PTPRG: variants seen among roughly 807,000 people sequenced by gnomAD.
PTPRG encodes the protein protein tyrosine phosphatase receptor type G, also known as receptor-type tyrosine-protein phosphatase gamma.
PTPRG carries 102 observed loss-of-function variants against 165.3 expected under a neutral mutation model. The observed-to-expected ratio is 0.62, with a 90% confidence interval of 0.53 to 0.73. The LOEUF (loss-of-function observed/expected upper bound fraction) is 0.73, where lower values mean the gene tolerates loss of function less well. Among genes scored for constraint, PTPRG ranks in the 30% least tolerant of loss-of-function variants. The pLI, the probability that PTPRG is intolerant of heterozygous loss-of-function variation, is 0.00. For missense variants in PTPRG, 1,866 were observed against 1,861.4 expected (o/e 1.00, Z -0.05); for synonymous variants, 675 against 669.5 (o/e 1.01, Z -0.13).
rs566648471 is a variant in PTPRG at position 62,133,914 on chromosome 3, C to T, written c.682+1246C>T. ...AGGAGAATCACTTGAATCCGGGAGG[C>T]GGAGGTTGCAGTGAGCCAAAATTGC... On this transcript the variant is annotated intron_variant, in intron 6 of 29. Coordinates refer to ENST00000474889, the MANE Select transcript of PTPRG (RefSeq NM_002841.4). Among the ~76,000 whole-genome samples the T allele has an allele frequency of 5.9e-5, 9 of 151,986 alleles. 1 individual carries two copies. The South Asian group carries it at 6.3e-4, about 11-fold the overall frequency.
intron 2 of PTPRG, among the ~76,000 whole-genome samples, chr3:61,935,403 A>G (rs2039460589): frequency 6.6e-6 from 1 of 152,104 alleles, no homozygotes; most frequent in African/African-American, 2.4e-5. Context: ...GAACATGGCA[A>G]AATTACGCAC....
At position 61,669,689 on chromosome 3, in the gene PTPRG, G is replaced by T. The variant is rs74401914; in HGVS notation, c.86-79189G>T. 5.3e-4 allele frequency among the ~76,000 whole-genome samples: 80 copies of T among 152,250 alleles called. 1 individual carries two copies. In the East Asian group the frequency reaches 0.015, roughly 29 times the overall value. On this transcript the variant is annotated intron_variant, in intron 1 of 29. Coordinates refer to ENST00000474889, the MANE Select transcript of PTPRG (RefSeq NM_002841.4). ...CTATGCTGCACAGGTTTTTCTTAACGTTCTGTAGGATACACATTACTTTTT... is the reference window on the plus strand; with the variant it reads ...CTATGCTGCACAGGTTTTTCTTAACTTTCTGTAGGATACACATTACTTTTT...
At chr3:61,945,560 C>CAAAAAAAAAAAAAA (rs71123242) in intron 2 of PTPRG, among the ~76,000 whole-genome samples, 11 of 55,462 alleles carry the variant, frequency 2.0e-4, no homozygotes, top group South Asian at 8.6e-4. Flanking sequence ...ACTCCGTCAC[C>CAAAAAAAAAAAAAA]AAAAAAAAAA....
chr3:62,006,648 G>A (rs1425638382), intron 4 of PTPRG, among the ~76,000 whole-genome samples: 1 of 152,148 alleles, frequency 6.6e-6, no homozygotes, highest in East Asian at 1.9e-4. Context: ...TACTAGGATT[G>A]GTAGAGTACA....
intron 1 of PTPRG, among the ~76,000 whole-genome samples, chr3:61,621,051 A>ATATATATATATATATATATGTGTGTGTG: frequency 5.4e-4 from 64 of 117,968 alleles, no homozygotes; most frequent in Non-Finnish European, 8.1e-4. Context: ...ATATATATAT[A>ATATATATATATATATATATGTGTGTGTG]TGTGTGTGTG....
intron 2 of PTPRG, among the ~76,000 whole-genome samples, chr3:61,878,935 A>G (rs2037814564): frequency 6.6e-6 from 1 of 152,234 alleles, no homozygotes. Context: ...CTTATTTTAT[A>G]AGATCACTAA....
intron 2 of PTPRG, among the ~76,000 whole-genome samples, chr3:61,981,249 C>T (rs896690956): frequency 2.0e-5 from 3 of 152,162 alleles, no homozygotes; most frequent in South Asian, 4.1e-4. Flanking sequence ...CTTTCCTCCA[C>T]CTAGTCGCTT....
rs1368782741 is a variant in PTPRG, at chr3:62,273,634, C to T, written c.3319-64C>T. On this transcript the variant is annotated intron_variant, in intron 22 of 29. Coordinates refer to ENST00000474889, the MANE Select transcript of PTPRG (RefSeq NM_002841.4). This position sits in a 1 kb window ranked among gnomAD's most constrained non-coding sequence, Gnocchi z 4.1. Reference sequence around the variant, plus strand: ...AGCAGCAGAATTAAACTAAGGTACACTTCATGAATGAGTGGCTAACCCTTA... The same window carrying T: ...AGCAGCAGAATTAAACTAAGGTACATTTCATGAATGAGTGGCTAACCCTTA... The T allele has an allele frequency of 2.1e-5, 32 of 1,530,306 alleles. No individual in the cohort carries two copies. The highest frequency in any genetic ancestry group is 2.6e-5 in the Non-Finnish European group (29 of 1,108,604). 94.8% of individuals were successfully genotyped at this position (1,530,306 alleles called of 1,614,324 possible). A position where few individuals can be genotyped will look rare whatever the true frequency, so the allele number is the denominator to read the frequency against.
At chr3:61,933,209 G>C (rs982443083) in intron 2 of PTPRG, among the ~76,000 whole-genome samples, 13 of 152,140 alleles carry the variant, frequency 8.5e-5, no homozygotes, top group Admixed American at 7.9e-4. Flanking sequence ...TTCAACTTCA[G>C]GTTAAAAAGT....
At chr3:61,810,689 G>A (rs187121804) in intron 2 of PTPRG, among the ~76,000 whole-genome samples, 42 of 152,264 alleles carry the variant, frequency 2.8e-4, no homozygotes, top group African/African-American at 9.9e-4. Flanking sequence ...AGCTCTGTCT[G>A]TGTAATGCAA....
At chr3:62,108,966 ATTGCAG>A (rs200815430) in intron 5 of PTPRG, among the ~76,000 whole-genome samples, 109,473 of 151,504 alleles carry the variant, frequency 0.72, 39,840 homozygotes, top group Middle Eastern at 0.8. Flanking sequence ...AGATTGCAGA[ATTGCAG>A]AATTTCTCCA....
chr3:62,167,850 C>G, intron 7 of PTPRG, 121 bp from the exon 8 acceptor site: 1 of 1,012,374 alleles, frequency 9.9e-7, no homozygotes, highest in African/African-American at 1.6e-5. Context: ...GCATTGGGCA[C>G]TTCCTACCGT....
At chr3:61,871,166 TTATGTTATGTTATGTTATGTTA>T (rs1395668727) in intron 2 of PTPRG, among the ~76,000 whole-genome samples, 1 of 46,930 alleles carries the variant, frequency 2.1e-5, no homozygotes, top group Non-Finnish European at 5.1e-5. Context: ...TTGTGTTGTG[TTATGTTATGTTATGTTATGTTA>T]TGTTATGTTA....
intron 5 of PTPRG, among the ~76,000 whole-genome samples, chr3:62,097,208 T>C (rs1405689943): frequency 1.3e-5 from 2 of 152,214 alleles, no homozygotes; most frequent in Non-Finnish European, 2.9e-5. Flanking sequence ...TGGTATAAGA[T>C]AGGCTTGGTA....
At chr3:61,635,868 T>C (rs1209343185) in intron 1 of PTPRG, among the ~76,000 whole-genome samples, 2 of 152,174 alleles carry the variant, frequency 1.3e-5, no homozygotes, top group Non-Finnish European at 2.9e-5. Flanking sequence ...ATCTCAGAGA[T>C]GGTTCCTTAG....
chr3:61,751,672 GA>G (rs2033434902), intron 2 of PTPRG, among the ~76,000 whole-genome samples: 1 of 152,170 alleles, frequency 6.6e-6, no homozygotes, highest in Admixed American at 6.5e-5. Context: ...TTGTTACAGG[GA>G]TTCAGTGAGA....
chr3:61,830,572 T>G (rs11711162), intron 2 of PTPRG, among the ~76,000 whole-genome samples: 6,506 of 54,522 alleles, frequency 0.12, 115 homozygotes, highest in African/African-American at 0.26. Flanking sequence ...TTTTGTTTTT[T>G]TTTTTTTTTT....
chr3:61,871,650 T>G (rs2037587929), intron 2 of PTPRG, among the ~76,000 whole-genome samples: 1 of 152,190 alleles, frequency 6.6e-6, no homozygotes, highest in Non-Finnish European at 1.5e-5. Context: ...GAGGAAAGTT[T>G]TGTTGATGTG....
intron 4 of PTPRG, among the ~76,000 whole-genome samples, chr3:62,035,600 A>G (rs1699913842): frequency 6.6e-6 from 1 of 152,208 alleles, no homozygotes; most frequent in African/African-American, 2.4e-5. Context: ...GCAAAGTGAC[A>G]TATGTGAAAC....
Sources: allele counts gnomAD v4.1 joint callset (sites outside exome capture counted in the v4.1 genomes callset), GRCh38; gene constraint gnomAD v4.1.1; non-coding constraint Gnocchi (gnomAD v3.1); transcripts MANE v1.5; gene names NCBI Gene and HGNC (gene_info 2026-07-23, HGNC 2026-07-21).